Variants in STK38L observed in about 807,000 individuals in gnomAD.
The protein encoded by STK38L is serine/threonine-protein kinase 38-like.
STK38L carries 28 observed loss-of-function variants against 59.7 expected under a neutral mutation model. The observed-to-expected ratio is 0.47, with a 90% CI of 0.35 to 0.64. STK38L has a LOEUF of 0.64. Ranked by LOEUF, STK38L falls within the 30% of genes least tolerant of loss-of-function variation. The pLI, the probability that STK38L is intolerant of heterozygous loss-of-function variation, is 0.01. For missense variants in STK38L, 314 were observed against 555.8 expected, an observed-to-expected ratio of 0.56 and a Z score of 4.37; for synonymous variants, 162 against 176.8, an observed-to-expected ratio of 0.92 and a Z score of 0.66.
chr12:27,293,474 T>A (rs893519479), intron 1 of STK38L, among the ~76,000 whole-genome samples: 1 of 152,264 alleles, frequency 6.6e-6, no homozygotes, highest in Non-Finnish European at 1.5e-5. Context: ...TAATTTCTTG[T>A]TACTCAGTGT....
chr12:27,253,107 G>T (rs1943012213), intron 1 of STK38L, among the ~76,000 whole-genome samples: 2 of 152,210 alleles, frequency 1.3e-5, no homozygotes, highest in Non-Finnish European at 2.9e-5. Flanking sequence ...CAGAGTGAAG[G>T]ACATGCCACG....
At chr12:27,322,013 A>C in intron 12 of STK38L, 130 bp from the exon 13 acceptor site, 1 of 752,892 alleles carries the variant, frequency 1.3e-6, no homozygotes, top group East Asian at 2.7e-5. Context: ...AACTAATCTC[A>C]AATCCACAAT....
At chr12:27,276,068 T>A (rs1243502390) in intron 1 of STK38L, among the ~76,000 whole-genome samples, 1 of 152,138 alleles carries the variant, frequency 6.6e-6, no homozygotes, top group Non-Finnish European at 1.5e-5. Flanking sequence ...GTCATTTATT[T>A]TAGCTTTGAG....
At chr12:27,314,761 T>C (rs1944544298) in intron 7 of STK38L, 103 bp downstream of exon 7, 1 of 1,274,278 alleles carries the variant, frequency 7.8e-7, no homozygotes, top group East Asian at 2.5e-5. Flanking sequence ...AGAATATTGC[T>C]AAACAACATT....
Position 27,308,321 on chromosome 12 carries a change from A to G in STK38L, c.187-18A>G. The G allele has an allele frequency of 6.6e-7, 1 of 1,524,404 alleles. No homozygotes were observed. The highest frequency in any genetic ancestry group is 8.8e-7 in the Non-Finnish European group (1 of 1,136,380). 94.4% of individuals were successfully genotyped at this position (1,524,404 alleles called of 1,614,324 possible). On this transcript the variant is annotated intron_variant, in intron 3 of 13. Coordinates refer to ENST00000389032, the MANE Select transcript of STK38L (RefSeq NM_015000.4). This position sits in a 1 kb window ranked among gnomAD's most constrained non-coding sequence, Gnocchi z 4.5. ...CCTAATTATAAAATCATCCGTTTAA[A>G]TTGTTTTTTTTTAATAGAAAAAGTT...
chr12:27,280,683 C>T (rs548127456), intron 1 of STK38L, among the ~76,000 whole-genome samples: 5 of 152,308 alleles, frequency 3.3e-5, no homozygotes, highest in African/African-American at 7.2e-5. Flanking sequence ...TGCCATTCAA[C>T]GTTGGTTAGT....
chr12:27,258,218 A>G (rs986153107), intron 1 of STK38L, among the ~76,000 whole-genome samples: 2 of 152,224 alleles, frequency 1.3e-5, no homozygotes, highest in African/African-American at 4.8e-5. Flanking sequence ...AATTTAAAAA[A>G]TATTTTAATA....
intron 1 of STK38L, among the ~76,000 whole-genome samples, chr12:27,256,103 T>C (rs996155672): frequency 1.1e-4 from 16 of 152,234 alleles, no homozygotes; most frequent in Non-Finnish European, 1.8e-4. Flanking sequence ...ACTCTGCCTT[T>C]GCTCTTCCTC....
chr12:27,248,703 G>C (rs1430407649), intron 1 of STK38L, among the ~76,000 whole-genome samples: 1 of 152,166 alleles, frequency 6.6e-6, no homozygotes, highest in East Asian at 1.9e-4. Flanking sequence ...TTGACTCAAT[G>C]GGGTAGGTTC....
At chr12:27,283,951 A>G (rs1286301387) in intron 1 of STK38L, among the ~76,000 whole-genome samples, 1 of 152,212 alleles carries the variant, frequency 6.6e-6, no homozygotes, top group African/African-American at 2.4e-5. Context: ...CTAAATCTAC[A>G]TTACTGAATG....
At chr12:27,253,957 T>G (rs1943032239) in intron 1 of STK38L, among the ~76,000 whole-genome samples, 1 of 152,238 alleles carries the variant, frequency 6.6e-6, no homozygotes, top group South Asian at 2.1e-4. Flanking sequence ...TCTTCTGTGC[T>G]TCTCACTCCC....
chr12:27,302,382 C>CA (rs1406097005), intron 3 of STK38L, 194 bp downstream of exon 3: 1 of 404,210 alleles, frequency 2.5e-6, no homozygotes, highest in Non-Finnish European at 4.4e-6. Context: ...ATTCCAAGAA[C>CA]ACGTATTTAA....
chr12:27,300,711 C>A (rs1047416613), intron 2 of STK38L: 3 of 432,046 alleles, frequency 6.9e-6, no homozygotes, highest in Non-Finnish European at 1.4e-5. Context: ...GTAATAAGCA[C>A]CAAGGTAGGT....
At chr12:27,316,381 A>C (rs987950721) in intron 9 of STK38L, among the ~76,000 whole-genome samples, 2 of 152,234 alleles carry the variant, frequency 1.3e-5, no homozygotes, top group African/African-American at 4.8e-5. Flanking sequence ...GCTCAAAATT[A>C]TGGTGGGGGA....
At chr12:27,263,139 A>G (rs896655270) in intron 1 of STK38L, among the ~76,000 whole-genome samples, 1 of 152,172 alleles carries the variant, frequency 6.6e-6, no homozygotes, top group African/African-American at 2.4e-5. Context: ...TTGTATTTAG[A>G]AAAGTTAGAA....
At chr12:27,312,775 G>A (rs1944486407) in intron 6 of STK38L, 103 bp downstream of exon 6, 1 of 1,351,372 alleles carries the variant, frequency 7.4e-7, no homozygotes, top group Non-Finnish European at 1.0e-6. Flanking sequence ...TTGCTCTGAG[G>A]CTTTACATAG....
intron 1 of STK38L, among the ~76,000 whole-genome samples, chr12:27,248,077 A>G (rs546928008): frequency 8.7e-4 from 132 of 152,096 alleles, no homozygotes; most frequent in African/African-American, 2.3e-3. Context: ...GGCCTCCCAA[A>G]TGTTGGGATT....
chr12:27,304,380 C>T (rs1185399306), intron 3 of STK38L, among the ~76,000 whole-genome samples: 1 of 151,776 alleles, frequency 6.6e-6, no homozygotes, highest in Non-Finnish European at 1.5e-5. Flanking sequence ...GTAGCTGTTC[C>T]TTATAGTTGC....
chr12:27,318,745 A>G (rs927822588), intron 11 of STK38L, among the ~76,000 whole-genome samples: 10 of 152,150 alleles, frequency 6.6e-5, no homozygotes, highest in Non-Finnish European at 8.8e-5. Context: ...GAATCCCAAC[A>G]CTCTGGGAGG....
Sources: allele counts gnomAD v4.1 joint callset (sites outside exome capture counted in the v4.1 genomes callset), GRCh38; gene constraint gnomAD v4.1.1; non-coding constraint Gnocchi (gnomAD v3.1); transcripts MANE v1.5; gene names NCBI Gene and HGNC (gene_info 2026-07-23, HGNC 2026-07-21).